Variants in NLRP11 observed in about 807,000 individuals in gnomAD.
NLRP11 encodes the protein NACHT, LRR and PYD domains-containing protein 11.
A neutral mutation model predicts 79.3 loss-of-function variants in NLRP11; 53 were observed. The observed-to-expected ratio is 0.67, with a 90% CI of 0.54 to 0.84. The LOEUF (loss-of-function observed/expected upper bound fraction) is 0.84, where lower values mean the gene tolerates loss of function less well. Among genes scored for constraint, NLRP11 ranks in the 40% least tolerant of loss-of-function variants. The pLI is 0.00. For synonymous variants in NLRP11, 518 were observed against 462.6 expected (o/e 1.12, Z -1.54); for missense variants, 1,264 against 1,255.0 (o/e 1.01, Z -0.11).
intron 2 of NLRP11, 57 bp downstream of exon 2, chr19:55,817,847 C>T: frequency 7.1e-7 from 1 of 1,409,354 alleles, no homozygotes; most frequent in Non-Finnish European, 9.6e-7. Flanking sequence ...AGGCCCAACA[C>T]CCAGCTTCCT....
intron 1 of NLRP11, among the ~76,000 whole-genome samples, chr19:55,822,680 C>T (rs1479172595): frequency 6.6e-6 from 1 of 152,196 alleles, no homozygotes; most frequent in Non-Finnish European, 1.5e-5. Context: ...GGGTCACTCC[C>T]ACCCGAATAC....
chr19:55,792,369 T>G lies in NLRP11; in HGVS notation c.2445A>C (p.Leu815Phe). Residue 815 changes from leucine (L) to phenylalanine (F), a missense_variant, in exon 7 of 10, where the codon TTA (leucine) becomes TTC (phenylalanine). Transcript: ENST00000589093. ...TCACATGCAACACTCCGTAATTTTT[T>G]AAGCGATTCACACACAGGTCTAGTT... 1 of 1,614,182 alleles carries G rather than the reference T, an allele frequency of 6.2e-7. No homozygotes were observed. The highest frequency in any genetic ancestry group is 1.3e-5 in the African/African-American group (1 of 75,044).
chr19:55,808,150 T>C, intron 3 of NLRP11, 136 bp from the exon 4 acceptor site: 1 of 574,900 alleles, frequency 1.7e-6, no homozygotes, highest in Non-Finnish European at 3.0e-6. Flanking sequence ...AGAAATAAAG[T>C]AGGGTCAAAC....
intron 1 of NLRP11, among the ~76,000 whole-genome samples, chr19:55,822,953 G>A (rs918276918): frequency 6.6e-6 from 1 of 152,150 alleles, no homozygotes; most frequent in Non-Finnish European, 1.5e-5. Context: ...CTCCACCTCT[G>A]GGGGCAGGGC....
chr19:55,831,022 A>C (rs1476732638), intron 1 of NLRP11, among the ~76,000 whole-genome samples: 1 of 151,424 alleles, frequency 6.6e-6, no homozygotes, highest in Non-Finnish European at 1.5e-5. Context: ...TATTGTTCCA[A>C]TCCCCCCTGT....
chr19:55,811,970 T>TAC (rs3973377), intron 2 of NLRP11, among the ~76,000 whole-genome samples: 13,748 of 149,086 alleles, frequency 0.092, 808 homozygotes, highest in Admixed American at 0.2. Context: ...TTCACACATG[T>TAC]ACACACACAC....
chr19:55,822,494 T>A (rs1981848284), intron 1 of NLRP11, among the ~76,000 whole-genome samples: 1 of 152,116 alleles, frequency 6.6e-6, no homozygotes, highest in African/African-American at 2.4e-5. Flanking sequence ...CATTTCCATC[T>A]GAGGTACCGG....
chr19:55,818,129 C>T, exon 2 of NLRP11: 1 of 1,614,064 alleles, frequency 6.2e-7, no homozygotes, highest in Non-Finnish European at 8.5e-7. Context: ...CTGAGATTCT[C>T]TAGATACCAC....
At chr19:55,830,173 T>C (rs1568646977) in intron 1 of NLRP11, among the ~76,000 whole-genome samples, 2 of 152,080 alleles carry the variant, frequency 1.3e-5, no homozygotes, top group Admixed American at 6.6e-5. Flanking sequence ...TAGGTGTTTT[T>C]CCCCCCTAAG....
chr19:55,811,858 A>G (rs1201445892), intron 2 of NLRP11, among the ~76,000 whole-genome samples: 1 of 152,064 alleles, frequency 6.6e-6, no homozygotes, highest in Non-Finnish European at 1.5e-5. Context: ...TTCCTTATAT[A>G]CTTTGGATAT....
intron 2 of NLRP11, among the ~76,000 whole-genome samples, chr19:55,811,163 ACTT>A (rs1196331409): frequency 6.6e-6 from 1 of 152,180 alleles, no homozygotes; most frequent in African/African-American, 2.4e-5. Context: ...TTAATGAACT[ACTT>A]AAGATAAATG....
intron 5 of NLRP11, among the ~76,000 whole-genome samples, chr19:55,799,346 AAG>A (rs947513896): frequency 4.6e-5 from 7 of 152,196 alleles, no homozygotes; most frequent in African/African-American, 1.4e-4. Flanking sequence ...ATAAGTACCT[AAG>A]AGTCTTCATC....
chr19:55,808,746 G>C (rs542328667), intron 3 of NLRP11, 23 bp downstream of exon 3: 2 of 1,576,936 alleles, frequency 1.3e-6, no homozygotes, highest in South Asian at 1.2e-5. Context: ...ACAGGAAAGA[G>C]GATTTATTTT....
chr19:55,809,750 G>A lies in NLRP11; in HGVS notation c.860C>T (p.Thr287Met). 1.2e-6 allele frequency: 2 copies of A among 1,614,158 alleles called. No homozygotes were observed. The highest frequency in any genetic ancestry group is 1.7e-6 in the Non-Finnish European group (2 of 1,180,012). Reference sequence around the variant, plus strand: ...GCAGCAATCTACCTCTTTCAAGAACGTTTTTACATTATTCCCACGTGTGGG... The same window carrying A: ...GCAGCAATCTACCTCTTTCAAGAACATTTTTACATTATTCCCACGTGTGGG... Residue 287 changes from threonine to methionine, a missense_variant, in exon 3 of 10, where the codon ACG (threonine) becomes ATG (methionine). Physicochemically the swap from Thr to Met is moderately conservative, Grantham distance 81. Coordinates refer to ENST00000589093, the Ensembl canonical transcript of NLRP11. This position sits in a 1 kb window ranked among gnomAD's most constrained non-coding sequence, Gnocchi z 4.5.
chr19:55,829,855 T>C (rs2122941859), intron 1 of NLRP11, among the ~76,000 whole-genome samples: 1 of 152,218 alleles, frequency 6.6e-6, no homozygotes, highest in South Asian at 2.1e-4. Flanking sequence ...AAAACCCACG[T>C]ATAACTTTTG....
intron 1 of NLRP11, among the ~76,000 whole-genome samples, chr19:55,828,087 TA>T (rs1179711105): frequency 2.7e-5 from 4 of 149,432 alleles, no homozygotes; most frequent in Non-Finnish European, 5.9e-5. Context: ...TATGCAGCCA[TA>T]AAAAATGATG....
At chr19:55,822,841 C>A (rs1192254519) in intron 1 of NLRP11, among the ~76,000 whole-genome samples, 5 of 152,132 alleles carry the variant, frequency 3.3e-5, no homozygotes, top group Non-Finnish European at 5.9e-5. Flanking sequence ...GGGGGAGGGG[C>A]GCCCGCCATT....
intron 7 of NLRP11, among the ~76,000 whole-genome samples, chr19:55,790,521 C>G (rs1990172731): frequency 1.3e-5 from 2 of 152,142 alleles, no homozygotes; most frequent in Non-Finnish European, 2.9e-5. Flanking sequence ...ATACAAGATC[C>G]ATTAATACAT....
At chr19:55,798,007 T>TA (rs1600180002) in intron 5 of NLRP11, among the ~76,000 whole-genome samples, 2 of 151,428 alleles carry the variant, frequency 1.3e-5, no homozygotes, top group East Asian at 1.9e-4. Context: ...TTATTTTTTT[T>TA]TTTTTTGAGA....
Sources: allele counts gnomAD v4.1 joint callset (sites outside exome capture counted in the v4.1 genomes callset), GRCh38; gene constraint gnomAD v4.1.1; non-coding constraint Gnocchi (gnomAD v3.1); transcripts MANE v1.5; gene names NCBI Gene and HGNC (gene_info 2026-07-23, HGNC 2026-07-21).